Variants in TBP observed in about 807,000 individuals in gnomAD.
TBP encodes TATA-box binding protein, also known as TATA-box-binding protein.
Under a neutral mutation model 46.2 loss-of-function variants are expected in TBP, and 12 were observed. That is an observed-to-expected ratio of 0.26 (90% CI 0.17 to 0.42). TBP has a LOEUF of 0.42. TBP is among the 10% of genes least tolerant of loss of function. The pLI is 1.00. For missense variants in TBP, 229 were observed against 403.1 expected, an observed-to-expected ratio of 0.57 and a Z score of 3.70; for synonymous variants, 157 against 148.3, an observed-to-expected ratio of 1.06 and a Z score of -0.42.
chr6:170,563,668 A>T (rs912854734), intron 3 of TBP, among the ~76,000 whole-genome samples: 1 of 152,214 alleles, frequency 6.6e-6, no homozygotes, highest in Non-Finnish European at 1.5e-5. Flanking sequence ...CAGAAGCAAC[A>T]ATGAGCTGAA....
chr6:170,562,098 T>C lies in TBP; in HGVS notation c.362T>C (p.Leu121Pro). 1 of 1,613,988 alleles carries C rather than the reference T, an allele frequency of 6.2e-7. No homozygotes were observed. Among genetic ancestry groups the C allele is most frequent in the Non-Finnish European group, 8.5e-7 (1 of 1,179,990 alleles). Reference protein sequence around the residue: ...TQGTSGQAPQLFHSQTLTTAP... With the variant: ...TQGTSGQAPQPFHSQTLTTAP... ...GGAACCTCAGGCCAGGCACCACAGCTCTTCCACTCACAGACTCTCACAACT... is the reference window on the plus strand; with the variant it reads ...GGAACCTCAGGCCAGGCACCACAGCCCTTCCACTCACAGACTCTCACAACT... Residue 121 changes from leucine to proline, a missense_variant, in exon 3 of 8, where the codon CTC becomes CCC. Leu to Pro is a moderately conservative substitution (Grantham distance 98, BLOSUM62 -3). Transcript: ENST00000392092.
chr6:170,562,737 A>G (rs1050422214), intron 3 of TBP, among the ~76,000 whole-genome samples: 5 of 152,224 alleles, frequency 3.3e-5, no homozygotes, highest in African/African-American at 9.6e-5. Context: ...TACCTAAATG[A>G]AGTGGGTTCT....
In TBP at chr6:170,566,962, G is replaced by C. The variant is rs547495461; in HGVS notation, c.630G>C (p.Thr210=). 1 of 1,613,640 alleles carries C rather than the reference G, an allele frequency of 6.2e-7. No homozygotes were observed. The highest frequency in any genetic ancestry group is 1.3e-5 in the African/African-American group (1 of 74,998). ...TGAGGATAAGAGAGCCACGAACCAC[G>C]GCACTGATTTTCAGTTCTGGGAAAA... is the stretch of plus-strand genomic sequence containing the variant. ...VIMRIREPRT[T]ALIFSSGKMV... Residue 210 remains threonine, a synonymous_variant, in exon 5 of 8, where the codon ACG becomes ACC. Transcript: ENST00000392092.
intron 3 of TBP, among the ~76,000 whole-genome samples, chr6:170,564,169 G>C (rs74830282): frequency 3.9e-5 from 6 of 152,152 alleles, no homozygotes; most frequent in African/African-American, 1.4e-4. Context: ...GCTTTTCAGA[G>C]CTCACAGATG....
At position 170,572,301 on chromosome 6, in the gene TBP, C is replaced by T. The variant is rs1008388502; in HGVS notation, c.*36C>T. ...GTACCCTTGCCTCCCCCACCCCCTT[C>T]TTTTTTTTTTTTTAAACAAATCAGT... On this transcript the variant is annotated 3_prime_UTR_variant, in exon 8 of 8. Coordinates refer to ENST00000392092, the MANE Select transcript of TBP (RefSeq NM_003194.5). 18 of 1,210,486 alleles carry T rather than the reference C, an allele frequency of 1.5e-5. No homozygotes were observed. The highest frequency in any genetic ancestry group is 3.2e-5 in the African/African-American group (2 of 62,704). 75.0% of individuals were successfully genotyped at this position (1,210,486 alleles called of 1,614,324 possible). A position where few individuals can be genotyped will look rare whatever the true frequency, so the allele number is the denominator to read the frequency against.
chr6:170,566,100 AAAAT>A (rs1039635291), intron 4 of TBP, among the ~76,000 whole-genome samples: 2 of 152,134 alleles, frequency 1.3e-5, no homozygotes, highest in Non-Finnish European at 2.9e-5. Flanking sequence ...ATAAAATAAA[AAAAT>A]AAAATTGTTA....
chr6:170,562,295 T>A, intron 3 of TBP, 62 bp downstream of exon 3: 1 of 1,517,108 alleles, frequency 6.6e-7, no homozygotes, highest in Non-Finnish European at 9.0e-7. Context: ...ATGTTCCTGC[T>A]CTGTTTTCAG....
chr6:170,565,341 G>A (rs1193971509), intron 4 of TBP, among the ~76,000 whole-genome samples: 4 of 152,202 alleles, frequency 2.6e-5, no homozygotes, highest in Non-Finnish European at 5.9e-5. Context: ...TTGGGATCAT[G>A]TGAAGAATTT....
At chr6:170,557,798 CATTTT>C (rs1448875508) in intron 2 of TBP, among the ~76,000 whole-genome samples, 1 of 143,586 alleles carries the variant, frequency 7.0e-6, no homozygotes, top group African/African-American at 2.5e-5. Flanking sequence ...CAAAAAAACT[CATTTT>C]AAGTGTCTGT....
intron 5 of TBP, 132 bp from the exon 6 acceptor site, chr6:170,569,480 C>T: frequency 3.1e-6 from 2 of 653,294 alleles, no homozygotes; most frequent in Non-Finnish European, 4.8e-6. Flanking sequence ...TCAGTCTTTT[C>T]TCCTATTGCA....
Position 170,572,510 on chromosome 6 carries a change from G to C in TBP, c.*245G>C. ...CTCATACCGTGCTGCTATCTGGGCA[G>C]CGCTGCCCATTTATTTATATGTAGA... On this transcript the variant is annotated 3_prime_UTR_variant, in exon 8 of 8. Transcript: ENST00000392092. 2.1e-6 allele frequency: 1 copy of C among 486,938 alleles called. No homozygotes were observed. Among genetic ancestry groups the C allele is most frequent in the Non-Finnish European group, 3.6e-6 (1 of 276,878 alleles). 30.2% of individuals were successfully genotyped at this position (486,938 alleles called of 1,614,324 possible).
At chr6:170,566,825 A>G (rs1223891779) in intron 4 of TBP, 93 bp from the exon 5 acceptor site, 7 of 963,232 alleles carry the variant, frequency 7.3e-6, no homozygotes, top group African/African-American at 1.6e-5. Context: ...TGTCCTTCCT[A>G]CCAGTTGTGA....
At chr6:170,559,493 C>T (rs1409476994) in intron 2 of TBP, among the ~76,000 whole-genome samples, 1 of 152,162 alleles carries the variant, frequency 6.6e-6, no homozygotes, top group Non-Finnish European at 1.5e-5. Context: ...TCATACCACC[C>T]ACACATCCCC....
At chr6:170,567,137 TATG>T (rs1179541373) in intron 5 of TBP, 128 bp downstream of exon 5, 1 of 391,596 alleles carries the variant, frequency 2.6e-6, no homozygotes, top group Non-Finnish European at 4.4e-6. Context: ...ACCATTTTAA[TATG>T]ATTCTATTAA....
intron 5 of TBP, among the ~76,000 whole-genome samples, chr6:170,568,335 A>C (rs1373943417): frequency 3.9e-5 from 6 of 152,200 alleles, no homozygotes. Context: ...AAGACAAGAA[A>C]CCACCAATAC....
Position 170,571,473 on chromosome 6 carries a change from T to C in TBP, c.909T>C (p.Leu303=). Residue 303 remains leucine, a synonymous_variant, in exon 7 of 8, where the codon CTT becomes CTC. Transcript: ENST00000392092. ...TGATCAAACCCAGAATTGTTCTCCT[T>C]ATTTTTGTTTCTGGAAAAGTTGTAT... The part of the protein sequence containing the change: ...YRMIKPRIVL[L]IFVSGKVVLT... 1.9e-6 allele frequency: 3 copies of C among 1,613,942 alleles called. No individual in the cohort carries two copies. Among genetic ancestry groups the C allele is most frequent in the Non-Finnish European group, 2.5e-6 (3 of 1,179,844 alleles).
intron 2 of TBP, among the ~76,000 whole-genome samples, chr6:170,560,619 T>C (rs1285185521): frequency 2.0e-5 from 3 of 152,166 alleles, no homozygotes; most frequent in Non-Finnish European, 4.4e-5. Context: ...GGGTGAAATA[T>C]CAACATGAAT....
At chr6:170,565,119 T>G (rs560212747) in intron 4 of TBP, among the ~76,000 whole-genome samples, 2 of 152,252 alleles carry the variant, frequency 1.3e-5, no homozygotes, top group South Asian at 4.1e-4. Context: ...ATTGCGCCAT[T>G]GCATTCCAGC....
intron 2 of TBP, among the ~76,000 whole-genome samples, chr6:170,559,813 GC>G (rs1779108294): frequency 6.6e-6 from 1 of 152,218 alleles, no homozygotes; most frequent in Non-Finnish European, 1.5e-5. Context: ...TCAGTGCCTA[GC>G]CTCAAAGCTT....
Sources: gnomAD v4.1 joint callset for allele counts (sites outside exome capture counted in the v4.1 genomes callset) on GRCh38, gnomAD v4.1.1 for gene constraint, MANE v1.5 for transcripts, NCBI Gene and HGNC (gene_info 2026-07-23, HGNC 2026-07-21) for gene names.